The following AGBL1 variants were observed in gnomAD, a reference collection of about 807,000 sequenced individuals.
The protein encoded by AGBL1 is cytosolic carboxypeptidase 4.
AGBL1 carries 130 observed loss-of-function variants against 118.9 expected under a neutral mutation model. The ratio of observed to expected loss-of-function variants is 1.09; its 90% confidence interval spans 0.95 to 1.26. AGBL1 has a LOEUF of 1.26. Among genes scored for constraint, AGBL1 ranks in the 50% most tolerant of loss-of-function variants. The probability of loss-of-function intolerance (pLI) is 0.00; values close to 1 mark genes in which losing one functional copy is unlikely to be tolerated. For synonymous variants in AGBL1, 555 were observed against 478.9 expected, an observed-to-expected ratio of 1.16 and a Z score of -2.08; for missense variants, 1,584 against 1,298.1, an observed-to-expected ratio of 1.22 and a Z score of -3.38.
At position 86,523,841 on chromosome 15, in the gene AGBL1, G is replaced by GA. The variant is rs1352222020; in HGVS notation, c.2685+906dup. 5.9e-5 allele frequency among the ~76,000 whole-genome samples: 9 copies of GA among 152,240 alleles called. No individual in the cohort carries two copies. The East Asian group carries it at 1.7e-3, about 29-fold the overall frequency. ...AGGACTTGGCTCAAGATAATAAAGA[G>GA]AAAATGGCAGCCAAGTAACCATATG... On this transcript the variant is annotated intron_variant, in intron 19 of 22. Transcript: ENST00000614907.
At chr15:86,205,108 G>A (rs1341444419) in intron 5 of AGBL1, among the ~76,000 whole-genome samples, 1 of 152,120 alleles carries the variant, frequency 6.6e-6, no homozygotes, top group Non-Finnish European at 1.5e-5. Context: ...ATTATGTTGG[G>A]GGTAATGTCA....
intron 17 of AGBL1, among the ~76,000 whole-genome samples, chr15:86,364,958 CATATATAT>C (rs72116454): frequency 0.11 from 8,734 of 76,004 alleles, 876 homozygotes; most frequent in African/African-American, 0.18. Context: ...ATATGTCACA[CATATATAT>C]ATATATATAT....
At chr15:86,087,459 G>A (rs184005488) in intron 1 of AGBL1, among the ~76,000 whole-genome samples, 103 of 151,968 alleles carry the variant, frequency 6.8e-4, no homozygotes, top group African/African-American at 2.4e-3. Flanking sequence ...CTCCTGAGTA[G>A]CTGGGATTAT....
At chr15:86,760,353 C>T (rs2078006040) in intron 22 of AGBL1, among the ~76,000 whole-genome samples, 1 of 151,976 alleles carries the variant, frequency 6.6e-6, no homozygotes, top group South Asian at 2.1e-4. Flanking sequence ...TTAATCATCA[C>T]TTGTAGGAAA....
intron 5 of AGBL1, among the ~76,000 whole-genome samples, chr15:86,206,643 C>T (rs1428353166): frequency 1.3e-5 from 2 of 152,188 alleles, no homozygotes; most frequent in Non-Finnish European, 2.9e-5. Flanking sequence ...TATCCTCTCC[C>T]ACTTTGTGAT....
intron 17 of AGBL1, among the ~76,000 whole-genome samples, chr15:86,318,224 C>A (rs2141837766): frequency 6.6e-6 from 1 of 152,256 alleles, no homozygotes; most frequent in Non-Finnish European, 1.5e-5. Context: ...ATATACAAAA[C>A]AATTTATGTA....
At chr15:86,476,758 C>T (rs1253072837) in intron 18 of AGBL1, among the ~76,000 whole-genome samples, 2 of 152,184 alleles carry the variant, frequency 1.3e-5, no homozygotes, top group Non-Finnish European at 2.9e-5. Context: ...AACTCTCCAC[C>T]CCAAATCAAC....
chr15:86,895,600 T>C (rs982651796), intron 22 of AGBL1, among the ~76,000 whole-genome samples: 1 of 151,982 alleles, frequency 6.6e-6, no homozygotes, highest in African/African-American at 2.4e-5. Flanking sequence ...TGACAAGACA[T>C]AATTAATTTC....
At chr15:86,725,835 C>A (rs1204402496) in intron 22 of AGBL1, among the ~76,000 whole-genome samples, 1 of 152,152 alleles carries the variant, frequency 6.6e-6, no homozygotes, top group Admixed American at 6.5e-5. Context: ...CACACACATA[C>A]CAGTGATTGC....
At chr15:86,503,444 T>A (rs1484590721) in intron 18 of AGBL1, among the ~76,000 whole-genome samples, 3 of 151,282 alleles carry the variant, frequency 2.0e-5, no homozygotes, top group African/African-American at 7.3e-5. Context: ...TCTCTTCTAA[T>A]CTTTATTGTT....
intron 24 of AGBL1, among the ~76,000 whole-genome samples, chr15:87,001,237 T>C (rs1275776158): frequency 1.3e-5 from 2 of 151,440 alleles, no homozygotes; most frequent in African/African-American, 4.9e-5. Flanking sequence ...TCCTGCCTCA[T>C]TGCCCTGGCC....
At chr15:86,745,249 C>T (rs2077739170) in intron 22 of AGBL1, among the ~76,000 whole-genome samples, 1 of 151,946 alleles carries the variant, frequency 6.6e-6, no homozygotes, top group Admixed American at 6.6e-5. Context: ...GCATTGTGCC[C>T]AATCTTTCTG....
At chr15:86,286,264 C>G (rs2141740612) in intron 16 of AGBL1, among the ~76,000 whole-genome samples, 1 of 151,978 alleles carries the variant, frequency 6.6e-6, no homozygotes, top group Admixed American at 6.6e-5. Context: ...CAAACCAGAC[C>G]AATAAACGTA....
rs1426410798 is a variant in AGBL1 at position 86,914,467 on chromosome 15, G to A, written c.*7173G>A. 6.6e-6 allele frequency: 1 copy of A among 152,152 alleles called. No individual in the cohort carries two copies. The highest frequency in any genetic ancestry group is 6.5e-5 in the Admixed American group (1 of 15,270). The allele number at this position is 152,152 out of a possible 1,614,324, so 9.4% of individuals were successfully genotyped here. On this transcript the variant is annotated 3_prime_UTR_variant, in exon 23 of 23. Coordinates refer to ENST00000614907, the MANE Select transcript of AGBL1 (RefSeq NM_001386094.1). The stretch of plus-strand genomic sequence containing the variant: ...GATAGAGCTGGAATCTGTTCCCGGG[G>A]AAATCTGACTTCCTAACTCATGCTC...
intron 17 of AGBL1, among the ~76,000 whole-genome samples, chr15:86,319,187 T>C (rs2080065956): frequency 6.6e-6 from 1 of 152,170 alleles, no homozygotes; most frequent in African/African-American, 2.4e-5. Flanking sequence ...ACCGAGTATA[T>C]ACTTAGAAGG....
At chr15:86,859,221 A>C (rs28719481) in intron 22 of AGBL1, among the ~76,000 whole-genome samples, 2 of 152,196 alleles carry the variant, frequency 1.3e-5, no homozygotes, top group African/African-American at 4.8e-5. Context: ...TTCCAGCACA[A>C]CTGATCACCC....
intron 18 of AGBL1, among the ~76,000 whole-genome samples, chr15:86,460,684 A>T (rs1401306098): frequency 7.9e-5 from 12 of 152,192 alleles, no homozygotes; most frequent in African/African-American, 2.2e-4. Flanking sequence ...GAAGTCAGAG[A>T]TACTCTGCCA....
At chr15:86,330,810 G>C (rs997955505) in intron 17 of AGBL1, among the ~76,000 whole-genome samples, 4 of 152,090 alleles carry the variant, frequency 2.6e-5, no homozygotes, top group African/African-American at 9.7e-5. Context: ...AAAAAAAATT[G>C]AAATATTTCA....
chr15:87,015,214 A>C (rs2141789997), intron 24 of AGBL1, among the ~76,000 whole-genome samples: 1 of 152,260 alleles, frequency 6.6e-6, no homozygotes, highest in Middle Eastern at 3.4e-3. Flanking sequence ...TTACACCACC[A>C]GCTTCTTTAG....
Sources: gnomAD v4.1 joint callset for allele counts (sites outside exome capture counted in the v4.1 genomes callset) on GRCh38, gnomAD v4.1.1 for gene constraint, MANE v1.5 for transcripts, NCBI Gene and HGNC (gene_info 2026-07-23, HGNC 2026-07-21) for gene names.